Variants in OLFM3 observed in about 807,000 individuals in gnomAD.
OLFM3 encodes olfactomedin 3.
A neutral mutation model predicts 48.6 loss-of-function variants in OLFM3; 20 were observed. The observed-to-expected ratio is 0.41, with a 90% CI of 0.29 to 0.60. The LOEUF (loss-of-function observed/expected upper bound fraction) is 0.60, where lower values mean the gene tolerates loss of function less well. Ranked by LOEUF, OLFM3 falls within the 20% of genes least tolerant of loss-of-function variation. The pLI is 0.28. For synonymous variants in OLFM3, 222 were observed against 198.1 expected (o/e 1.12, Z -1.01); for missense variants, 437 against 544.3 (o/e 0.80, Z 1.96).
intron 1 of OLFM3, among the ~76,000 whole-genome samples, chr1:101,926,322 A>G (rs1413425477): frequency 6.6e-6 from 1 of 152,172 alleles, no homozygotes; most frequent in Non-Finnish European, 1.5e-5. Flanking sequence ...AGTCTATATC[A>G]CAGGCAAAAT....
At chr1:101,863,597 A>G (rs1656742547) in intron 1 of OLFM3, among the ~76,000 whole-genome samples, 1 of 152,186 alleles carries the variant, frequency 6.6e-6, no homozygotes, top group Non-Finnish European at 1.5e-5. Flanking sequence ...GGTTTGTGTG[A>G]TGAGCCTAGA....
At chr1:101,888,354 C>T (rs1657852878) in intron 1 of OLFM3, among the ~76,000 whole-genome samples, 1 of 152,130 alleles carries the variant, frequency 6.6e-6, no homozygotes, top group Admixed American at 6.6e-5. Context: ...CACACATCTA[C>T]AACCATCTGA....
At chr1:101,877,156 G>T (rs1425856744) in intron 1 of OLFM3, among the ~76,000 whole-genome samples, 1 of 145,718 alleles carries the variant, frequency 6.9e-6, no homozygotes, top group East Asian at 2.0e-4. Context: ...GACTATAAAT[G>T]ATACAAACCA....
chr1:101,980,298 C>T (rs1261110533), intron 1 of OLFM3, among the ~76,000 whole-genome samples: 3 of 151,882 alleles, frequency 2.0e-5, no homozygotes, highest in Admixed American at 2.0e-4. Flanking sequence ...TTGGGAGGGG[C>T]CGGGGTGGAA....
intron 1 of OLFM3, among the ~76,000 whole-genome samples, chr1:101,891,643 A>T (rs541144878): frequency 3.9e-5 from 6 of 152,012 alleles, no homozygotes; most frequent in Non-Finnish European, 7.4e-5. Flanking sequence ...TAGTAATTAT[A>T]TGCATTAGAT....
chr1:101,808,825 G>C (rs1250616851), intron 4 of OLFM3, among the ~76,000 whole-genome samples: 1 of 151,736 alleles, frequency 6.6e-6, no homozygotes, highest in Non-Finnish European at 1.5e-5. Context: ...CAAAAAGTTT[G>C]TAAGAATGAC....
At chr1:101,930,442 C>G (rs1315753531) in intron 1 of OLFM3, among the ~76,000 whole-genome samples, 2 of 152,096 alleles carry the variant, frequency 1.3e-5, no homozygotes, top group Non-Finnish European at 2.9e-5. Context: ...TTTCCACCTT[C>G]TAATTTTGGG....
chr1:101,994,112 T>C (rs1661492741), intron 1 of OLFM3, among the ~76,000 whole-genome samples: 1 of 151,704 alleles, frequency 6.6e-6, no homozygotes, highest in Admixed American at 6.6e-5. Context: ...ATTTGATATA[T>C]GTAAAATCCT....
chr1:101,910,104 C>T (rs775928977), intron 1 of OLFM3: 25 of 985,370 alleles, frequency 2.5e-5, no homozygotes, highest in African/African-American at 3.5e-5. Flanking sequence ...CTCAGAGAAG[C>T]TTCAGCTTTA....
At chr1:101,975,447 CT>C (rs34869083) in intron 1 of OLFM3, among the ~76,000 whole-genome samples, 324 of 152,130 alleles carry the variant, frequency 2.1e-3, no homozygotes, top group African/African-American at 7.4e-3. Flanking sequence ...AAAATATATC[CT>C]TTTTTTGCGG....
chr1:101,899,523 C>T (rs1485272035), intron 1 of OLFM3, among the ~76,000 whole-genome samples: 2 of 152,154 alleles, frequency 1.3e-5, no homozygotes, highest in Non-Finnish European at 2.9e-5. Context: ...TAGGATTCCA[C>T]AAGGACATAA....
chr1:101,842,335 A>G (rs1655765599), intron 1 of OLFM3, among the ~76,000 whole-genome samples: 1 of 152,030 alleles, frequency 6.6e-6, no homozygotes, highest in Admixed American at 6.5e-5. Flanking sequence ...GGAGTTTGAG[A>G]CCAGCCTGGG....
At chr1:101,996,702 C>T in intron 1 of OLFM3, 46 bp downstream of exon 1, 1 of 1,581,684 alleles carries the variant, frequency 6.3e-7, no homozygotes, top group Non-Finnish European at 8.7e-7. Context: ...AGGTTTGTTA[C>T]ATATTGCACA....
At chr1:101,816,166 A>C (rs548156719) in intron 4 of OLFM3, among the ~76,000 whole-genome samples, 1 of 152,310 alleles carries the variant, frequency 6.6e-6, no homozygotes, top group South Asian at 2.1e-4. Flanking sequence ...AAAACTCAGA[A>C]AAAGTGTGGT....
chr1:101,995,060 A>G (rs1347236516), intron 1 of OLFM3, among the ~76,000 whole-genome samples: 1 of 152,136 alleles, frequency 6.6e-6, no homozygotes, highest in East Asian at 1.9e-4. Flanking sequence ...GGGTGCAAGC[A>G]GTGAAGATAT....
intron 1 of OLFM3, among the ~76,000 whole-genome samples, chr1:101,987,122 A>G (rs1160391593): frequency 6.6e-6 from 1 of 152,156 alleles, no homozygotes; most frequent in Non-Finnish European, 1.5e-5. Context: ...CCTTGATTTG[A>G]CCGACAAAGA....
intron 1 of OLFM3, among the ~76,000 whole-genome samples, chr1:101,955,352 C>T (rs1660256405): frequency 6.6e-6 from 1 of 151,942 alleles, no homozygotes; most frequent in Non-Finnish European, 1.5e-5. Context: ...TATGATATAT[C>T]TAATTCTTTG....
rs1659405426 is a variant in OLFM3 at position 101,930,284 on chromosome 1, A to G, written c.69+66464T>C. 1.3e-5 allele frequency among the ~76,000 whole-genome samples: 2 copies of G among 152,212 alleles called. 1 individual carries two copies. Among genetic ancestry groups the G allele is most frequent in the Middle Eastern group, 6.3e-3 (2 of 316 alleles). ...AGTTTAGTTATTAGATAAGGCAAGT[A>G]CTGGCATCTTACAGTGCAAGGAAGA... On this transcript the variant is annotated intron_variant, in intron 1 of 5. Transcript: ENST00000370103.
At chr1:101,911,069 G>A (rs549542950) in intron 1 of OLFM3, among the ~76,000 whole-genome samples, 1 of 152,188 alleles carries the variant, frequency 6.6e-6, no homozygotes, top group East Asian at 1.9e-4. Context: ...TATGAATTTC[G>A]TTATTATTTC....
Sources: allele counts gnomAD v4.1 joint callset (sites outside exome capture counted in the v4.1 genomes callset), GRCh38; gene constraint gnomAD v4.1.1; transcripts MANE v1.5; gene names NCBI Gene and HGNC (gene_info 2026-07-23, HGNC 2026-07-21).